Variants in CD38 observed in about 807,000 individuals in gnomAD.
CD38 encodes ADP-ribosyl cyclase/cyclic ADP-ribose hydrolase 1.
A neutral mutation model predicts 36.3 loss-of-function variants in CD38; 31 were observed. That is an observed-to-expected ratio of 0.85 (90% CI 0.64 to 1.15). CD38 has a LOEUF of 1.15. Among genes scored for constraint, CD38 ranks in the 50% most tolerant of loss-of-function variants. The probability of loss-of-function intolerance (pLI) is 0.00; values close to 1 mark genes in which losing one functional copy is unlikely to be tolerated. For missense variants in CD38, 380 were observed against 371.9 expected (o/e 1.02, Z -0.18); for synonymous variants, 131 against 135.2 (o/e 0.97, Z 0.22).
chr4:15,798,550 G>T (rs1055356247), intron 1 of CD38, among the ~76,000 whole-genome samples: 2 of 152,212 alleles, frequency 1.3e-5, no homozygotes, highest in Non-Finnish European at 2.9e-5. Context: ...GTGAGAATTT[G>T]ATATTTTGAA....
intron 2 of CD38, among the ~76,000 whole-genome samples, chr4:15,819,432 A>T (rs1723684565): frequency 6.6e-6 from 1 of 152,104 alleles, no homozygotes; most frequent in African/African-American, 2.4e-5. Flanking sequence ...GCTTCAGAAG[A>T]TGCATAATAA....
chr4:15,786,946 A>C (rs1394730476), intron 1 of CD38, among the ~76,000 whole-genome samples: 1 of 152,162 alleles, frequency 6.6e-6, no homozygotes, highest in Non-Finnish European at 1.5e-5. Flanking sequence ...CTGCTGGGGG[A>C]CTTGGCACAC....
chr4:15,821,687 T>C (rs952087004), intron 2 of CD38, among the ~76,000 whole-genome samples: 1 of 72,626 alleles, frequency 1.4e-5, no homozygotes, highest in Non-Finnish European at 2.7e-5. Context: ...CAGTAATAAA[T>C]ACCAACCAAA....
chr4:15,834,812 A>G (rs1283471113), intron 4 of CD38, among the ~76,000 whole-genome samples: 1 of 152,222 alleles, frequency 6.6e-6, no homozygotes, highest in Non-Finnish European at 1.5e-5. Context: ...AGTAAGAGGC[A>G]TATGTGGGAG....
rs1445963338 is a variant in CD38 at position 15,782,244 on chromosome 4, A to C, written c.233+3597A>C. On this transcript the variant is annotated intron_variant, in intron 1 of 7. Coordinates refer to ENST00000226279, the MANE Select transcript of CD38 (RefSeq NM_001775.4). ...ACAGCTTCCCTTCCACAGATTCTAT[A>C]GGTTAAAACAATCACCGGACCAGCC... Among the ~76,000 whole-genome samples, 3 of 152,234 alleles carry C rather than the reference A, an allele frequency of 2.0e-5. No individual in the cohort carries two copies. In the East Asian group the frequency reaches 5.8e-4, roughly 29 times the overall value.
chr4:15,824,619 G>T (rs1185989680), intron 2 of CD38, among the ~76,000 whole-genome samples: 3 of 152,024 alleles, frequency 2.0e-5, no homozygotes, highest in Non-Finnish European at 4.4e-5. Flanking sequence ...ATTTTGATCA[G>T]TGGCTTTCAG....
At chr4:15,824,856 A>G (rs1413359166) in intron 2 of CD38, 25 bp from the exon 3 acceptor site, 1 of 1,598,294 alleles carries the variant, frequency 6.3e-7, no homozygotes, top group Non-Finnish European at 8.6e-7. Flanking sequence ...GATCTCAGTA[A>G]TAGATTGTAT....
chr4:15,802,008 C>T (rs1207276832), intron 1 of CD38, among the ~76,000 whole-genome samples: 1 of 152,158 alleles, frequency 6.6e-6, no homozygotes, highest in East Asian at 1.9e-4. Flanking sequence ...GTCAAATTGA[C>T]CATGTTTGCA....
chr4:15,791,810 A>G lies in CD38; in HGVS notation c.233+13163A>G, dbSNP rs1348658232. The stretch of plus-strand genomic sequence containing the variant: ...CGTCCGGGAGGGAGGTGGGAGGGTC[A>G]GCCCCCCGCCCGGCCAGCCGCCCTA... On this transcript the variant is annotated intron_variant, in intron 1 of 7. Transcript: ENST00000226279. 2.8e-5 allele frequency among the ~76,000 whole-genome samples: 2 copies of G among 72,474 alleles called. 1 individual carries two copies. The highest frequency in any genetic ancestry group is 4.9e-5 in the Non-Finnish European group (2 of 41,210). The allele number at this position is 72,474 out of a possible 152,430, so 47.5% of individuals were successfully genotyped here.
Position 15,778,380 on chromosome 4 carries a change from C to T in CD38, c.-35C>T, listed in dbSNP as rs1470379862. On this transcript the variant is annotated 5_prime_UTR_variant, in exon 1 of 8. Transcript: ENST00000226279. This position sits in a 1 kb window ranked among gnomAD's most constrained non-coding sequence, Gnocchi z 4.9. The stretch of plus-strand genomic sequence containing the variant: ...TCTTGCTGCCTAGCCTCCTGCCGGC[C>T]TCATCTTCGCCCAGCCAACCCCGCC... 14 of 1,457,482 alleles carry T rather than the reference C, an allele frequency of 9.6e-6. No homozygotes were observed. The highest frequency in any genetic ancestry group is 1.4e-5 in the African/African-American group (1 of 71,954). 90.3% of individuals were successfully genotyped at this position (1,457,482 alleles called of 1,614,324 possible). A position where few individuals can be genotyped will look rare whatever the true frequency, so the allele number is the denominator to read the frequency against.
intron 1 of CD38, among the ~76,000 whole-genome samples, chr4:15,807,365 G>C (rs1437776558): frequency 6.6e-6 from 1 of 152,178 alleles, no homozygotes; most frequent in African/African-American, 2.4e-5. Flanking sequence ...TATGATAAAA[G>C]GATGTTTGGC....
At chr4:15,805,822 C>T (rs996029988) in intron 1 of CD38, among the ~76,000 whole-genome samples, 4 of 152,218 alleles carry the variant, frequency 2.6e-5, no homozygotes, top group Non-Finnish European at 5.9e-5. Context: ...ACCTTCAACA[C>T]AGGTTCTGGT....
At chr4:15,833,284 G>A (rs1335289774) in intron 3 of CD38, among the ~76,000 whole-genome samples, 1 of 152,152 alleles carries the variant, frequency 6.6e-6, no homozygotes, top group Non-Finnish European at 1.5e-5. Context: ...TACTAATTGG[G>A]TATCACTTCT....
rs145112525 is a variant in CD38, at chr4:15,810,272, C to T, written c.234-6239C>T. ...GGAGGTGTCTTAATTCTCTGTGGGA[C>T]TCAATAAAAGTTTTGGTGATTATAT... On this transcript the variant is annotated intron_variant, in intron 1 of 7. Transcript: ENST00000226279. Among the ~76,000 whole-genome samples the T allele has an allele frequency of 6.8e-3, 1,036 of 152,242 alleles. 12 individuals carry two copies. Among genetic ancestry groups the T allele is most frequent in the African/African-American group, 0.023 (970 of 41,540 alleles).
chr4:15,780,200 T>G (rs949199006), intron 1 of CD38, among the ~76,000 whole-genome samples: 1 of 152,212 alleles, frequency 6.6e-6, no homozygotes, highest in Non-Finnish European at 1.5e-5. Flanking sequence ...TTTTAAGTTT[T>G]GATTTTTCCA....
chr4:15,807,551 G>T (rs7668511), intron 1 of CD38, among the ~76,000 whole-genome samples: 1 of 151,932 alleles, frequency 6.6e-6, no homozygotes, highest in Non-Finnish European at 1.5e-5. Context: ...TGAGTGTCAG[G>T]GGGGGCTGCA....
At chr4:15,804,046 C>T (rs1292570733) in intron 1 of CD38, among the ~76,000 whole-genome samples, 1 of 152,140 alleles carries the variant, frequency 6.6e-6, no homozygotes, top group African/African-American at 2.4e-5. Context: ...TTTTCTTTAT[C>T]CAATCTGCCA....
intron 1 of CD38, among the ~76,000 whole-genome samples, chr4:15,790,601 G>A (rs1278891490): frequency 1.3e-4 from 20 of 151,386 alleles, no homozygotes; most frequent in African/African-American, 2.7e-4. Context: ...CCGCCACCCC[G>A]TCTGGGAAGT....
chr4:15,830,948 T>G (rs61638287), intron 3 of CD38, among the ~76,000 whole-genome samples: 8,940 of 152,166 alleles, frequency 0.059, 362 homozygotes, highest in East Asian at 0.18. Flanking sequence ...TGGTCTTCTC[T>G]TCCTTCTTTC....
Sources: allele counts gnomAD v4.1 joint callset (sites outside exome capture counted in the v4.1 genomes callset), GRCh38; gene constraint gnomAD v4.1.1; non-coding constraint Gnocchi (gnomAD v3.1); transcripts MANE v1.5; gene names NCBI Gene and HGNC (gene_info 2026-07-23, HGNC 2026-07-21).